Variants in CCSER1 observed in about 807,000 individuals in gnomAD.
The protein encoded by CCSER1 is coiled-coil serine rich protein 1, also known as serine-rich coiled-coil domain-containing protein 1.
Under a neutral mutation model 82.0 loss-of-function variants are expected in CCSER1, and 41 were observed. The ratio of observed to expected loss-of-function variants is 0.50; its 90% CI spans 0.39 to 0.65. The LOEUF (loss-of-function observed/expected upper bound fraction) is 0.65. Ranked by LOEUF, CCSER1 falls within the 30% of genes least tolerant of loss-of-function variation. The pLI is 0.00. For synonymous variants in CCSER1, 414 were observed against 383.9 expected (o/e 1.08, Z -0.92); for missense variants, 1,119 against 1,064.2 (o/e 1.05, Z -0.72).
At chr4:90,536,031 G>GTT (rs781671347) in intron 5 of CCSER1, among the ~76,000 whole-genome samples, 2,712 of 117,156 alleles carry the variant, frequency 0.023, 163 homozygotes, top group African/African-American at 0.068. Context: ...CTTTCTTTCT[G>GTT]TTTTTTTTTT....
At chr4:90,504,576 C>A (rs749271010) in intron 5 of CCSER1, among the ~76,000 whole-genome samples, 3 of 152,140 alleles carry the variant, frequency 2.0e-5, no homozygotes, top group Admixed American at 6.5e-5. Context: ...TCGGGACTGG[C>A]CATTGTCTCC....
intron 5 of CCSER1, among the ~76,000 whole-genome samples, chr4:90,469,498 GA>G (rs1209387733): frequency 6.8e-6 from 1 of 147,912 alleles, no homozygotes; most frequent in Non-Finnish European, 1.5e-5. Context: ...AATTATATTA[GA>G]AAGCTCAAAT....
At chr4:90,423,049 G>GT (rs1376466914) in intron 4 of CCSER1, among the ~76,000 whole-genome samples, 1 of 152,024 alleles carries the variant, frequency 6.6e-6, no homozygotes, top group Non-Finnish European at 1.5e-5. Context: ...GAAAGATCTA[G>GT]TTTTTTTCAC....
intron 6 of CCSER1, among the ~76,000 whole-genome samples, chr4:90,696,058 A>T (rs1736956527): frequency 6.6e-6 from 1 of 152,148 alleles, no homozygotes; most frequent in Non-Finnish European, 1.5e-5. Flanking sequence ...CATTTCCAAA[A>T]TATAAATCTG....
chr4:91,091,347 A>G (rs1723930335), intron 10 of CCSER1, among the ~76,000 whole-genome samples: 1 of 152,116 alleles, frequency 6.6e-6, no homozygotes, highest in South Asian at 2.1e-4. Flanking sequence ...CACTTCCTGG[A>G]TTACAGACTT....
chr4:91,589,059 T>C (rs1364357510), intron 10 of CCSER1, among the ~76,000 whole-genome samples: 2 of 151,872 alleles, frequency 1.3e-5, no homozygotes, highest in Non-Finnish European at 2.9e-5. Flanking sequence ...TATTTAGTAA[T>C]ATATTGACTT....
chr4:90,663,834 G>A, intron 6 of CCSER1: 1 of 340,560 alleles, frequency 2.9e-6, no homozygotes, highest in South Asian at 2.4e-5. Context: ...GTGTGTTATT[G>A]TTACTTATAG....
At chr4:91,204,026 T>C (rs935448250) in intron 10 of CCSER1, among the ~76,000 whole-genome samples, 1 of 151,912 alleles carries the variant, frequency 6.6e-6, no homozygotes, top group East Asian at 1.9e-4. Flanking sequence ...ATTAAATGTT[T>C]CCTGAGATAT....
chr4:91,374,336 G>T (rs372302473), intron 10 of CCSER1, among the ~76,000 whole-genome samples: 307 of 152,264 alleles, frequency 2.0e-3, no homozygotes, highest in African/African-American at 7.2e-3. Flanking sequence ...CCTGTTAGAG[G>T]CTAACGCAGC....
chr4:90,172,106 G>A (rs886141861), intron 1 of CCSER1, among the ~76,000 whole-genome samples: 5 of 151,888 alleles, frequency 3.3e-5, no homozygotes, highest in Admixed American at 2.6e-4. Flanking sequence ...CATGCTCTTT[G>A]CTCATGTCAA....
At chr4:91,440,467 G>A (rs980775535) in intron 10 of CCSER1, among the ~76,000 whole-genome samples, 6 of 152,222 alleles carry the variant, frequency 3.9e-5, no homozygotes, top group Admixed American at 2.0e-4. Context: ...CACGTTCAAA[G>A]CAGTGTGTAG....
chr4:91,406,973 A>G (rs959442420), intron 10 of CCSER1, among the ~76,000 whole-genome samples: 1 of 152,180 alleles, frequency 6.6e-6, no homozygotes, highest in African/African-American at 2.4e-5. Flanking sequence ...TTTCATACCT[A>G]ATATTGCAAA....
At chr4:90,129,984 G>A (rs567726605) in intron 1 of CCSER1, among the ~76,000 whole-genome samples, 2 of 152,194 alleles carry the variant, frequency 1.3e-5, no homozygotes, top group South Asian at 4.2e-4. Flanking sequence ...CTATTTATGA[G>A]TATTTTGTTT....
rs1766212804 is a variant in CCSER1 at position 90,869,777 on chromosome 4, CTATAGATTGCTTTAGCTAG to C, written c.2095-53589_2095-53571del. 2.0e-5 allele frequency among the ~76,000 whole-genome samples: 3 copies of C among 151,796 alleles called. No individual in the cohort carries two copies. The South Asian group carries it at 6.2e-4, about 31-fold the overall frequency. ...TATTTTGCTCAGGACTACATTGAAT[CTATAGATTGCTTTAGCTAG>C]TATGGACATTTTAACAGTATTGGGT... On this transcript the variant is annotated intron_variant, in intron 8 of 10. Transcript: ENST00000509176.
At chr4:90,504,123 T>G (rs1238288414) in intron 5 of CCSER1, among the ~76,000 whole-genome samples, 3 of 152,218 alleles carry the variant, frequency 2.0e-5, no homozygotes, top group African/African-American at 7.2e-5. Context: ...GACCCACTTT[T>G]AAGTAATGTC....
At chr4:90,523,844 A>G (rs544949797) in intron 5 of CCSER1, among the ~76,000 whole-genome samples, 12 of 152,306 alleles carry the variant, frequency 7.9e-5, no homozygotes, top group African/African-American at 2.9e-4. Flanking sequence ...ATAAAATGCC[A>G]GTAATAATAA....
At chr4:90,433,674 T>C (rs1226280230) in intron 4 of CCSER1, among the ~76,000 whole-genome samples, 2 of 152,102 alleles carry the variant, frequency 1.3e-5, no homozygotes, top group South Asian at 2.1e-4. Flanking sequence ...TATAATGCTA[T>C]AGTCTATCAA....
intron 3 of CCSER1, among the ~76,000 whole-genome samples, chr4:90,359,897 GTA>G (rs199858338): frequency 0.057 from 8,222 of 143,488 alleles, 401 homozygotes; most frequent in East Asian, 0.19. Flanking sequence ...ATGTGTGTGT[GTA>G]TATATATATA....
At chr4:91,328,989 C>CCTCATATG (rs147390882) in intron 10 of CCSER1, among the ~76,000 whole-genome samples, 1 of 151,982 alleles carries the variant, frequency 6.6e-6, no homozygotes, top group East Asian at 1.9e-4. Flanking sequence ...TGACTTTGCT[C>CCTCATATG]CTCATTTGCC....
Sources: gnomAD v4.1 joint callset for allele counts (sites outside exome capture counted in the v4.1 genomes callset) on GRCh38, gnomAD v4.1.1 for gene constraint, MANE v1.5 for transcripts, NCBI Gene and HGNC (gene_info 2026-07-23, HGNC 2026-07-21) for gene names.